Variants in RBFOX1 observed in about 807,000 individuals in gnomAD.
The protein encoded by RBFOX1 is RNA binding fox-1 homolog 1.
In RBFOX1, 8 loss-of-function variants were observed where a neutral mutation model predicts 57.7. That is an observed-to-expected ratio of 0.14 (90% CI 0.08 to 0.25). RBFOX1 has a LOEUF of 0.25. RBFOX1 is among the 10% of genes least tolerant of loss of function. The pLI, the probability that RBFOX1 is intolerant of heterozygous loss-of-function variation, is 1.00. For missense variants in RBFOX1, 611 were observed against 548.5 expected (o/e 1.11, Z -1.14); for synonymous variants, 326 against 222.4 (o/e 1.47, Z -4.15).
chr16:6,631,910 A>T (rs1029215565), intron 2 of RBFOX1, among the ~76,000 whole-genome samples: 2 of 152,224 alleles, frequency 1.3e-5, no homozygotes, highest in Non-Finnish European at 2.9e-5. Context: ...AGGAGTGAGC[A>T]GGAAAAGGTA....
intron 4 of RBFOX1, among the ~76,000 whole-genome samples, chr16:7,159,361 C>T (rs2077809466): frequency 6.6e-6 from 1 of 152,102 alleles, no homozygotes; most frequent in Non-Finnish European, 1.5e-5. Flanking sequence ...CCTGGTGAAC[C>T]TGCTTGGCTT....
intron 14 of RBFOX1, among the ~76,000 whole-genome samples, chr16:7,708,146 CTGAG>C (rs1206692409): frequency 1.3e-5 from 2 of 152,036 alleles, no homozygotes; most frequent in Non-Finnish European, 2.9e-5. Context: ...TTGAACCAAC[CTGAG>C]TAACATAGCA....
intron 1 of RBFOX1, among the ~76,000 whole-genome samples, chr16:6,114,315 G>A (rs1225038971): frequency 6.6e-6 from 1 of 152,106 alleles, no homozygotes. Flanking sequence ...CAGTCTTTGA[G>A]GAATTTTATT....
intron 5 of RBFOX1, among the ~76,000 whole-genome samples, chr16:7,561,583 C>T (rs531503380): frequency 6.4e-4 from 98 of 152,270 alleles, no homozygotes; most frequent in Non-Finnish European, 5.1e-4. Flanking sequence ...AGAGACATAT[C>T]GGTGTTCACA....
At chr16:7,201,335 G>T (rs1279934532) in intron 4 of RBFOX1, among the ~76,000 whole-genome samples, 7 of 152,190 alleles carry the variant, frequency 4.6e-5, no homozygotes, top group Non-Finnish European at 7.3e-5. Context: ...GAAGGAAACA[G>T]GAGAGATCAA....
intron 3 of RBFOX1, among the ~76,000 whole-genome samples, chr16:6,868,481 G>A (rs1197805766): frequency 7.1e-6 from 1 of 141,270 alleles, no homozygotes. Context: ...ATTGGTTTAT[G>A]ATTTTTTTTT....
chr16:5,935,441 G>A (rs1037923278), intron 4 of RBFOX1, among the ~76,000 whole-genome samples: 10 of 152,150 alleles, frequency 6.6e-5, no homozygotes, highest in Non-Finnish European at 1.5e-4. Context: ...TTTAGGAATG[G>A]CTGGTTTGAA....
intron 3 of RBFOX1, among the ~76,000 whole-genome samples, chr16:6,706,913 T>G (rs929556693): frequency 6.6e-6 from 1 of 152,184 alleles, no homozygotes; most frequent in African/African-American, 2.4e-5. Context: ...ATATTGCTAG[T>G]TGTTTGTACA....
At position 6,555,253 on chromosome 16, in the gene RBFOX1, C is replaced by G. The variant is rs112184498; in HGVS notation, c.-63-99350C>G. 4.5e-3 allele frequency among the ~76,000 whole-genome samples: 688 copies of G among 152,290 alleles called. 2 individuals carry two copies. Among genetic ancestry groups the G allele is most frequent in the African/African-American group, 0.016 (661 of 41,570 alleles). On this transcript the variant is annotated intron_variant, in intron 2 of 15. Transcript: ENST00000550418. ...AGATCCAAGTATACAAAGCCTGTCT[C>G]TTTAATTAATTTCCTTTCACCCAAA...
chr16:5,326,113 T>A (rs931467041), intron 1 of RBFOX1, among the ~76,000 whole-genome samples: 5 of 152,334 alleles, frequency 3.3e-5, no homozygotes, highest in East Asian at 3.9e-4. Context: ...CACATCCTTG[T>A]CAGCACTTGG....
intron 3 of RBFOX1, among the ~76,000 whole-genome samples, chr16:6,842,958 G>T (rs1305185581): frequency 6.6e-6 from 1 of 152,072 alleles, no homozygotes; most frequent in Non-Finnish European, 1.5e-5. Context: ...TGCTGAGAAC[G>T]ATGGTTTCCA....
intron 4 of RBFOX1, among the ~76,000 whole-genome samples, chr16:7,133,407 A>T (rs2071054968): frequency 6.6e-6 from 1 of 152,212 alleles, no homozygotes; most frequent in Admixed American, 6.5e-5. Context: ...TGCAATGGTC[A>T]TGTTTTTCCA....
intron 3 of RBFOX1, among the ~76,000 whole-genome samples, chr16:6,883,200 G>A (rs2063312088): frequency 6.6e-6 from 1 of 152,166 alleles, no homozygotes; most frequent in African/African-American, 2.4e-5. Flanking sequence ...CTAAGCAATA[G>A]AAAGAAAGTA....
In RBFOX1 at chr16:7,450,392, CAAAAAAAAAAA is replaced by C. The variant is rs57188328; in HGVS notation, c.28-67743_28-67733del. 1.3e-4 allele frequency among the ~76,000 whole-genome samples: 9 copies of C among 69,596 alleles called. No individual in the cohort carries two copies. The South Asian group carries it at 6.1e-3, about 47-fold the overall frequency. The allele number at this position is 69,596 out of a possible 152,430, so 45.7% of individuals were successfully genotyped here. A position where few individuals can be genotyped will look rare whatever the true frequency, so the allele number is the denominator to read the frequency against. ...CTGGCGACAGAGCAAGACTCTGTCT[CAAAAAAAAAAA>C]AAAAAAAAAAAGGAGAAACTTACAG... On this transcript the variant is annotated intron_variant, in intron 4 of 15. Coordinates refer to ENST00000550418, the MANE Select transcript of RBFOX1 (RefSeq NM_018723.4).
intron 2 of RBFOX1, among the ~76,000 whole-genome samples, chr16:6,366,664 T>C (rs1312661040): frequency 6.6e-6 from 1 of 152,202 alleles, no homozygotes; most frequent in Admixed American, 6.5e-5. Context: ...ATAGATAATT[T>C]TATTTAATCT....
chr16:5,742,917 A>G (rs1597064713), intron 3 of RBFOX1, among the ~76,000 whole-genome samples: 1 of 152,328 alleles, frequency 6.6e-6, no homozygotes, highest in South Asian at 2.1e-4. Context: ...AGGTGAGTCT[A>G]CACAGCACCA....
intron 4 of RBFOX1, among the ~76,000 whole-genome samples, chr16:7,365,802 A>C (rs1379787099): frequency 2.0e-5 from 3 of 152,220 alleles, no homozygotes; most frequent in Non-Finnish European, 4.4e-5. Context: ...TGATGACTCA[A>C]CAGGGAAGAT....
chr16:7,079,431 A>C (rs75071682), intron 4 of RBFOX1, among the ~76,000 whole-genome samples: 4,403 of 152,306 alleles, frequency 0.029, 95 homozygotes, highest in Middle Eastern at 0.048. Flanking sequence ...GCAGAACCAC[A>C]GTTTACACTG....
chr16:6,931,497 A>G (rs768313877), intron 3 of RBFOX1, among the ~76,000 whole-genome samples: 53 of 152,268 alleles, frequency 3.5e-4, no homozygotes, highest in South Asian at 1.0e-3. Context: ...TACTACATCA[A>G]TGAGAACACT....
Sources: allele counts gnomAD v4.1 joint callset (sites outside exome capture counted in the v4.1 genomes callset), GRCh38; gene constraint gnomAD v4.1.1; transcripts MANE v1.5; gene names NCBI Gene and HGNC (gene_info 2026-07-23, HGNC 2026-07-21).